Variants in PTPRN2 observed in about 807,000 individuals in gnomAD.
PTPRN2 encodes protein tyrosine phosphatase receptor type N2.
A neutral mutation model predicts 118.8 loss-of-function variants in PTPRN2; 74 were observed. That is an observed-to-expected ratio of 0.62 (90% CI 0.52 to 0.76). PTPRN2 has a LOEUF of 0.76. Among genes scored for constraint, PTPRN2 ranks in the 30% least tolerant of loss-of-function variants. The pLI, the probability that PTPRN2 is intolerant of heterozygous loss-of-function variation, is 0.00. For synonymous variants in PTPRN2, 641 were observed against 608.0 expected (o/e 1.05, Z -0.80); for missense variants, 1,481 against 1,394.4 (o/e 1.06, Z -0.99).
chr7:157,608,075 T>C (rs1316077826), intron 15 of PTPRN2, among the ~76,000 whole-genome samples: 1 of 152,030 alleles, frequency 6.6e-6, no homozygotes, highest in African/African-American at 2.4e-5. Context: ...CAGCGAAGTC[T>C]TTTTTTTAAA....
chr7:158,238,011 A>G (rs1306647793), intron 3 of PTPRN2, among the ~76,000 whole-genome samples: 1 of 152,116 alleles, frequency 6.6e-6, no homozygotes, highest in African/African-American at 2.4e-5. Context: ...GCTGCTCCCG[A>G]CGTCCCTGGA....
At chr7:158,325,629 T>A (rs888067962) in intron 2 of PTPRN2, among the ~76,000 whole-genome samples, 1 of 152,194 alleles carries the variant, frequency 6.6e-6, no homozygotes, top group Non-Finnish European at 1.5e-5. Flanking sequence ...CAAGAAGGGA[T>A]GGGCAGAAAA....
chr7:157,936,407 C>T (rs959343992), intron 11 of PTPRN2, among the ~76,000 whole-genome samples: 1 of 152,186 alleles, frequency 6.6e-6, no homozygotes, highest in African/African-American at 2.4e-5. Context: ...TCCCTCACTC[C>T]ACCAGGCCCC....
chr7:157,857,578 C>G (rs56193576), intron 12 of PTPRN2: 27,960 of 152,148 alleles, frequency 0.18, 2,848 homozygotes, highest in South Asian at 0.3. Context: ...CAGTGGCCAC[C>G]GGGGAGTCAC....
chr7:158,493,298 T>G (rs114666304), intron 1 of PTPRN2, among the ~76,000 whole-genome samples: 2,324 of 152,328 alleles, frequency 0.015, 57 homozygotes, highest in African/African-American at 0.053. Flanking sequence ...CACTCATACA[T>G]GCATGCAGTC....
intron 13 of PTPRN2, among the ~76,000 whole-genome samples, chr7:157,672,165 C>G (rs12698098): frequency 2.0e-5 from 3 of 151,892 alleles, no homozygotes; most frequent in East Asian, 1.9e-4. Flanking sequence ...GTCTGAAAAC[C>G]CCCCCTGGAG....
intron 3 of PTPRN2, among the ~76,000 whole-genome samples, chr7:158,283,406 G>A (rs1320184025): frequency 2.0e-5 from 3 of 152,160 alleles, no homozygotes; most frequent in Non-Finnish European, 4.4e-5. Flanking sequence ...CCAAGACGGG[G>A]CAGGAGACAG....
intron 16 of PTPRN2, among the ~76,000 whole-genome samples, chr7:157,601,806 A>G (rs1226518695): frequency 6.6e-6 from 1 of 152,206 alleles, no homozygotes; most frequent in Non-Finnish European, 1.5e-5. Context: ...CTTGTGAATC[A>G]CGGCTTTATT....
At chr7:157,939,405 G>A (rs1318265319) in intron 11 of PTPRN2, among the ~76,000 whole-genome samples, 1 of 152,240 alleles carries the variant, frequency 6.6e-6, no homozygotes, top group Non-Finnish European at 1.5e-5. Flanking sequence ...CTAGAACAGA[G>A]CTGCTCTAGA....
At chr7:158,363,803 AC>A (rs1480608767) in intron 2 of PTPRN2, among the ~76,000 whole-genome samples, 7 of 152,302 alleles carry the variant, frequency 4.6e-5, no homozygotes, top group African/African-American at 1.7e-4. Flanking sequence ...CTGGGTCTCC[AC>A]GGATGCCTCT....
chr7:158,063,955 CAGTG>C (rs531734513), intron 11 of PTPRN2, among the ~76,000 whole-genome samples: 7 of 152,262 alleles, frequency 4.6e-5, no homozygotes, highest in Middle Eastern at 3.4e-3. Context: ...GAGACACACT[CAGTG>C]AGAGACACAC....
At chr7:158,097,825 T>G (rs1814763460) in intron 10 of PTPRN2, among the ~76,000 whole-genome samples, 1 of 152,208 alleles carries the variant, frequency 6.6e-6, no homozygotes, top group African/African-American at 2.4e-5. Context: ...ACATAACCAC[T>G]AACAAAACAT....
At chr7:157,669,964 A>G (rs548850516) in intron 13 of PTPRN2, among the ~76,000 whole-genome samples, 43 of 152,258 alleles carry the variant, frequency 2.8e-4, no homozygotes, top group Non-Finnish European at 5.7e-4. Flanking sequence ...CTGTACCCAC[A>G]GCATCTACGT....
intron 21 of PTPRN2, among the ~76,000 whole-genome samples, chr7:157,557,540 TCA>T (rs1461813524): frequency 1.4e-5 from 1 of 73,500 alleles, no homozygotes; most frequent in Non-Finnish European, 2.6e-5. Flanking sequence ...CCCACACCCA[TCA>T]CACACACTCC....
chr7:157,639,485 C>G (rs1804539870), intron 14 of PTPRN2, among the ~76,000 whole-genome samples: 1 of 152,190 alleles, frequency 6.6e-6, no homozygotes, highest in African/African-American at 2.4e-5. Context: ...AAGGAGATAA[C>G]CTGAAGTGTC....
chr7:157,553,476 G>A (rs1373635666), intron 21 of PTPRN2, among the ~76,000 whole-genome samples: 1 of 152,144 alleles, frequency 6.6e-6, no homozygotes, highest in Non-Finnish European at 1.5e-5. Context: ...CCAGAGTGGC[G>A]TCGTCGTCCT....
chr7:157,918,717 G>C (rs1253341621), intron 11 of PTPRN2, among the ~76,000 whole-genome samples: 1 of 152,184 alleles, frequency 6.6e-6, no homozygotes, highest in East Asian at 1.9e-4. Flanking sequence ...ATAGACTAAT[G>C]TTAGATTAGA....
intron 3 of PTPRN2, among the ~76,000 whole-genome samples, chr7:158,217,875 C>T (rs1022292416): frequency 5.3e-5 from 8 of 152,042 alleles, no homozygotes; most frequent in East Asian, 1.9e-4. Flanking sequence ...CAAATCAACA[C>T]AGGCAGACAA....
chr7:158,531,947 G>C (rs1279723973), intron 1 of PTPRN2, among the ~76,000 whole-genome samples: 1 of 152,142 alleles, frequency 6.6e-6, no homozygotes, highest in Non-Finnish European at 1.5e-5. Context: ...CAGGCATTTG[G>C]GGTTTCCACT....
Sources: allele counts gnomAD v4.1 joint callset (sites outside exome capture counted in the v4.1 genomes callset), GRCh38; gene constraint gnomAD v4.1.1; transcripts MANE v1.5; gene names NCBI Gene and HGNC (gene_info 2026-07-23, HGNC 2026-07-21).